TTN: variants seen among roughly 807,000 people sequenced by gnomAD.
The protein encoded by TTN is connectin.
In TTN, 1,525 loss-of-function variants were observed where a neutral mutation model predicts 3,223.0. The ratio of observed to expected loss-of-function variants is 0.47; its 90% CI spans 0.45 to 0.49. The LOEUF (loss-of-function observed/expected upper bound fraction) is 0.49, where lower values mean the gene tolerates loss of function less well. TTN is among the 20% of genes least tolerant of loss of function. The pLI, the probability that TTN is intolerant of heterozygous loss-of-function variation, is 0.00. For synonymous variants in TTN, 14,094 were observed against 15,161.0 expected, an observed-to-expected ratio of 0.93 and a Z score of 5.17; for missense variants, 40,786 against 43,424.0, an observed-to-expected ratio of 0.94 and a Z score of 5.40.
In TTN at chr2:178,585,288, T is replaced by A. The variant is rs779988742; in HGVS notation, c.64456A>T (p.Ile21486Phe). ...GGCTTTCCATACACATGGGCTTCAATTCGGAGTTTTTTCCCAGCTTTGATA... is the reference window on the plus strand; with the variant it reads ...GGCTTTCCATACACATGGGCTTCAAATCGGAGTTTTTTCCCAGCTTTGATA... ...ITIKAGKKLRIEAHVYGKPHP... is the reference protein window; with the variant it reads ...ITIKAGKKLRFEAHVYGKPHP... The change falls in exon 309 of 363, where the codon ATT (isoleucine) becomes TTT (phenylalanine). Residue 21486 changes from isoleucine to phenylalanine, a missense_variant. By Grantham distance (21) the Ile-to-Phe change is conservative. Transcript: ENST00000589042. 5.0e-6 allele frequency: 8 copies of A among 1,611,758 alleles called. No individual in the cohort carries two copies. Among genetic ancestry groups the A allele is most frequent in the Non-Finnish European group, 5.9e-6 (7 of 1,178,928 alleles).
In TTN at chr2:178,802,156, C is replaced by T. The variant is rs1575009860; in HGVS notation, c.277G>A (p.Ala93Thr). The T allele has an allele frequency of 1.9e-6, 3 of 1,614,092 alleles. No individual in the cohort carries two copies. The highest frequency in any genetic ancestry group is 2.5e-6 in the Non-Finnish European group (3 of 1,179,980). The change falls in exon 3 of 363, where the codon GCT (alanine) becomes ACT (threonine). Residue 93 changes from alanine to threonine, a missense_variant. Physicochemically the swap from Ala to Thr is moderately conservative, Grantham distance 58 (BLOSUM62 0). Coordinates refer to ENST00000589042, the MANE Select transcript of TTN (RefSeq NM_001267550.2). ...TNGSGQATST[A>T]ELLVKAETAP... is the part of the protein sequence containing the mutation. ...AGCCTACCTTTCACGAGAAGCTCAG[C>T]AGTACTAGTCGCTTGTCCAGATCCA...
At position 178,572,959 on chromosome 2, in the gene TTN, C is replaced by G; in HGVS notation, c.73173G>C (p.Glu24391Asp). Reference sequence around the variant, plus strand: ...AGATGCGGATCTTATATTCCTGATTCTCTGTGAGGCCAGTGATAGTATACG... The same window carrying G: ...AGATGCGGATCTTATATTCCTGATTGTCTGTGAGGCCAGTGATAGTATACG... ...ATSYTITGLT[E>D]NQEYKIRIYA... The change falls in exon 326 of 363, where the codon GAG (glutamate) becomes GAC (aspartate). Residue 24391 changes from glutamate (E) to aspartate (D), a missense_variant. Physicochemically the swap from Glu to Asp is conservative, Grantham distance 45. Coordinates refer to ENST00000589042, the MANE Select transcript of TTN (RefSeq NM_001267550.2). 6.2e-7 allele frequency: 1 copy of G among 1,613,234 alleles called. No homozygotes were observed. Among genetic ancestry groups the G allele is most frequent in the Non-Finnish European group, 8.5e-7 (1 of 1,179,536 alleles).
Position 178,574,081 on chromosome 2 carries a change from A to T in TTN, c.72051T>A (p.Ala24017=). 2 of 1,613,424 alleles carry T rather than the reference A, an allele frequency of 1.2e-6. No individual in the cohort carries two copies. Among genetic ancestry groups the T allele is most frequent in the East Asian group, 4.5e-5 (2 of 44,784 alleles). The part of the protein sequence containing the change: ...AISPPSEPSD[A]ITCRDDVEAP... The stretch of plus-strand genomic sequence containing the variant: ...CCTCAACATCATCCCTGCAAGTGAT[A>T]GCATCAGATGGCTCAGATGGTGGAC... The change falls in exon 326 of 363, where the codon GCT becomes GCA. Residue 24017 remains alanine, a synonymous_variant. Transcript: ENST00000589042.
In TTN at chr2:178,579,280, A is replaced by C. The variant is rs762387858; in HGVS notation, c.67750T>G (p.Trp22584Gly). The C allele has an allele frequency of 5.6e-6, 9 of 1,613,152 alleles. No individual in the cohort carries two copies. Among genetic ancestry groups the C allele is most frequent in the Non-Finnish European group, 7.6e-6 (9 of 1,179,528 alleles). The change falls in exon 320 of 363, where the codon TGG becomes GGG. Residue 22584 changes from tryptophan to glycine, a missense_variant. Transcript: ENST00000589042. ...IKGKPAPSVSWKKGEDPLATD... is the reference protein window; with the variant it reads ...IKGKPAPSVSGKKGEDPLATD... ...GCTAGAGGATCTTCCCCTTTCTTCCAGGAGACTGATGGAGCTGGCTTGCCT... is the reference window on the plus strand; with the variant it reads ...GCTAGAGGATCTTCCCCTTTCTTCCCGGAGACTGATGGAGCTGGCTTGCCT...
chr2:178,784,309 A>C lies in TTN; in HGVS notation c.2536T>G (p.Leu846Val). The C allele has an allele frequency of 4.3e-6, 7 of 1,613,820 alleles. No individual in the cohort carries two copies. The highest frequency in any genetic ancestry group is 5.9e-6 in the Non-Finnish European group (7 of 1,179,944). ...GSAIATLQKE[L>V]SATSSAQKIT... ...TTCTGAGCAGAAGATGTGGCTGACAACTCTTTTTGTAATGTGGCAATAGCA... is the reference window on the plus strand; with the variant it reads ...TTCTGAGCAGAAGATGTGGCTGACACCTCTTTTTGTAATGTGGCAATAGCA... The change falls in exon 16 of 363, where the codon TTG becomes GTG. Residue 846 changes from leucine to valine, a missense_variant. Transcript: ENST00000589042.
At position 178,606,957 on chromosome 2, in the gene TTN, C is replaced by G. The variant is rs2055039491; in HGVS notation, c.53581+64G>C. 4 of 1,545,978 alleles carry G rather than the reference C, an allele frequency of 2.6e-6. No individual in the cohort carries two copies. The East Asian group carries it at 6.9e-5, about 27-fold the overall frequency. On this transcript the variant is annotated intron_variant, in intron 278 of 362. Coordinates refer to ENST00000589042, the MANE Select transcript of TTN (RefSeq NM_001267550.2). ...GTTGGGAGTTTGAAGCCATAAAGCTCAGTAAATAATATAACTAGAAGCAAA... is the reference window on the plus strand; with the variant it reads ...GTTGGGAGTTTGAAGCCATAAAGCTGAGTAAATAATATAACTAGAAGCAAA...
chr2:178,600,410 CATATATATATATATATATATAT>C (rs10684593), intron 288 of TTN: 44,539 of 142,262 alleles, frequency 0.31, 8,108 homozygotes, highest in East Asian at 0.55. Context: ...GAATTATTAC[CATATATATATATATATATATAT>C]ATATATATAC....
Position 178,532,322 on chromosome 2 carries a change from T to C in TTN, c.104293A>G (p.Met34765Val). Residue 34765 changes from methionine to valine, a missense_variant, in exon 358 of 363, where the codon ATG becomes GTG. Coordinates refer to ENST00000589042, the MANE Select transcript of TTN (RefSeq NM_001267550.2). ...AACTCTTCATCCTCCCTCTCAGCCATGATTCTTTGCCGTTGCTTTGGCTGT... is the reference window on the plus strand; with the variant it reads ...AACTCTTCATCCTCCCTCTCAGCCACGATTCTTTGCCGTTGCTTTGGCTGT... Reference protein sequence around the residue: ...YRQPKQRQRIMAEREDEELLR... With the variant: ...YRQPKQRQRIVAEREDEELLR... 6.2e-7 allele frequency: 1 copy of C among 1,614,022 alleles called. No homozygotes were observed. Among genetic ancestry groups the C allele is most frequent in the South Asian group, 1.1e-5 (1 of 91,090 alleles).
chr2:178,749,868 G>C, intron 47 of TTN: 4 of 1,613,054 alleles, frequency 2.5e-6, no homozygotes, highest in Non-Finnish European at 3.4e-6. Flanking sequence ...AAACATTCAA[G>C]AATGATGGAA....
rs1698437169 is a variant in TTN, at chr2:178,549,402, T to A, written c.92224A>T (p.Arg30742Trp). ...TGNSITLTWA[R>W]PESDGGSEIQ... ...TCACTGCCACCATCTGATTCTGGCC[T>A]TGCCCATGTCAGGGTAATGCTGTTG... The change falls in exon 339 of 363, where the codon AGG (arginine) becomes TGG (tryptophan). Residue 30742 changes from arginine to tryptophan, a missense_variant. Coordinates refer to ENST00000589042, the MANE Select transcript of TTN (RefSeq NM_001267550.2). 2 of 1,613,764 alleles carry A rather than the reference T, an allele frequency of 1.2e-6. No homozygotes were observed. The highest frequency in any genetic ancestry group is 1.7e-6 in the Non-Finnish European group (2 of 1,179,748).
intron 45 of TTN, 45 bp from the exon 46 acceptor site, chr2:178,756,842 A>C: frequency 6.4e-7 from 1 of 1,556,054 alleles, no homozygotes; most frequent in African/African-American, 1.4e-5. Flanking sequence ...ATTAAGATCT[A>C]AGCTTTGTCA....
intron 44 of TTN, 99 bp from the exon 45 acceptor site, chr2:178,758,015 C>A: frequency 7.5e-7 from 1 of 1,341,454 alleles, no homozygotes; most frequent in South Asian, 1.6e-5. Context: ...CAATAATGGA[C>A]TAGAATTCAG....
rs766745730 is a variant in TTN at position 178,727,084 on chromosome 2, G to C, written c.20275+6C>G. 2 of 1,496,648 alleles carry C rather than the reference G, an allele frequency of 1.3e-6. No homozygotes were observed. The highest frequency in any genetic ancestry group is 4.7e-5 in the East Asian group (2 of 42,302). 92.7% of individuals were successfully genotyped at this position (1,496,648 alleles called of 1,614,324 possible). ...TTAATGAGAAACACAAGAACAAGAT[G>C]TCTACCTTTTACTATAACCTTGGTA... is the stretch of plus-strand genomic sequence containing the variant. On this transcript the variant is annotated splice_donor_region_variant and intron_variant, in intron 69 of 362. Transcript: ENST00000589042.
chr2:178,757,674 C>T lies in TTN; in HGVS notation c.10546G>A (p.Glu3516Lys). The change falls in exon 45 of 363, where the codon GAG becomes AAG. Residue 3516 changes from glutamate (E) to lysine (K), a missense_variant. Coordinates refer to ENST00000589042, the MANE Select transcript of TTN (RefSeq NM_001267550.2). ...ATTAAAGCCATGCCTGTGGACTCCT[C>T]AAAATGGAAAACTACATCTTTTGTT... ...LPTKDVVFHF[E>K]ESTGMALMLI... is the part of the protein sequence containing the mutation. 3 of 1,613,818 alleles carry T rather than the reference C, an allele frequency of 1.9e-6. No individual in the cohort carries two copies. The highest frequency in any genetic ancestry group is 2.5e-6 in the Non-Finnish European group (3 of 1,179,808).
chr2:178,576,188 C>T lies in TTN; in HGVS notation c.69944G>A (p.Arg23315Lys), dbSNP rs756974395. Residue 23315 changes from arginine to lysine, a missense_variant, in exon 326 of 363, where the codon AGA (arginine) becomes AAA (lysine). Arg to Lys is a conservative substitution (Grantham distance 26, BLOSUM62 2). Transcript: ENST00000589042. The surrounding 1 kb of genome is among the most constrained non-coding windows in gnomAD (Gnocchi z 4.3). ...DLQTKEKYNFRISAINDAGVG... is the reference protein window; with the variant it reads ...DLQTKEKYNFKISAINDAGVG... The stretch of plus-strand genomic sequence containing the variant: ...ACCTGCATCGTTGATGGCACTGATT[C>T]TGAAGTTGTATTTTTCTTTAGTCTG... The T allele has an allele frequency of 1.9e-6, 3 of 1,612,802 alleles. No homozygotes were observed. The highest frequency in any genetic ancestry group is 2.7e-5 in the African/African-American group (2 of 74,866).
In TTN at chr2:178,527,563, T is replaced by G. The variant is rs879193660; in HGVS notation, c.107563A>C (p.Ser35855Arg). ...EMKFASMSAQSMSSMQESFVE... is the reference protein window; with the variant it reads ...EMKFASMSAQRMSSMQESFVE... ...AAGGACTCTTGCATGGAGGACATGCTTTGGGCAGACATGCTTGCAAATTTC... is the reference window on the plus strand; with the variant it reads ...AAGGACTCTTGCATGGAGGACATGCGTTGGGCAGACATGCTTGCAAATTTC... The change falls in exon 362 of 363, where the codon AGC (serine) becomes CGC (arginine). Residue 35855 changes from serine to arginine, a missense_variant. Physicochemically the swap from Ser to Arg is moderately radical, Grantham distance 110. Coordinates refer to ENST00000589042, the MANE Select transcript of TTN (RefSeq NM_001267550.2). 1.2e-6 allele frequency: 2 copies of G among 1,614,038 alleles called. No individual in the cohort carries two copies. Among genetic ancestry groups the G allele is most frequent in the Middle Eastern group, 1.6e-4 (1 of 6,062 alleles).
rs1348139013 is a variant in TTN, at chr2:178,734,435, A to C, written c.15389T>G (p.Val5130Gly). The C allele has an allele frequency of 3.7e-6, 6 of 1,613,698 alleles. No individual in the cohort carries two copies. The highest frequency in any genetic ancestry group is 5.1e-6 in the Non-Finnish European group (6 of 1,179,778). Reference sequence around the variant, plus strand: ...ATTAAACGAAAAGATCTCCAGACACACAAGAGACTTCTGAGAAAACAATCT... The same window carrying C: ...ATTAAACGAAAAGATCTCCAGACACCCAAGAGACTTCTGAGAAAACAATCT... The part of the protein sequence containing the change: ...KYRLFSQKSL[V>G]CLEIFSFNSA... Residue 5130 changes from valine (V) to glycine (G), a missense_variant, in exon 52 of 363, where the codon GTG (valine) becomes GGG (glycine). Physicochemically the swap from Val to Gly is moderately radical, Grantham distance 109. Coordinates refer to ENST00000589042, the MANE Select transcript of TTN (RefSeq NM_001267550.2).
Position 178,607,467 on chromosome 2 carries a change from T to G in TTN, c.53221A>C (p.Arg17741=). The change falls in exon 277 of 363, where the codon AGA becomes CGA. Residue 17741 remains arginine, a synonymous_variant. Transcript: ENST00000589042. The stretch of plus-strand genomic sequence containing the variant: ...CTATTTGTAGCTGTAATCACATATC[T>G]GCCATGGTCTTTTCGCAGTGCATCC... ...IKDALRKDHG[R]YVITATNSCG... 6.2e-7 allele frequency: 1 copy of G among 1,613,240 alleles called. No individual in the cohort carries two copies.
At position 178,776,805 on chromosome 2, in the gene TTN, C is replaced by T; in HGVS notation, c.5059G>A (p.Glu1687Lys). ...TAGAGATCACCTTCTTCCCATTGCT[C>T]TTGGCCATATCGCAAATGGAGGGGC... ...LEPLHLRYGQ[E>K]QWEEGDLYDK... is the part of the protein sequence containing the mutation. The change falls in exon 28 of 363, where the codon GAG becomes AAG. Residue 1687 changes from glutamate to lysine, a missense_variant. Coordinates refer to ENST00000589042, the MANE Select transcript of TTN (RefSeq NM_001267550.2). 1 of 1,614,152 alleles carries T rather than the reference C, an allele frequency of 6.2e-7. No homozygotes were observed. The highest frequency in any genetic ancestry group is 8.5e-7 in the Non-Finnish European group (1 of 1,180,014).
Sources: gnomAD v4.1 joint callset for allele counts on GRCh38, gnomAD v4.1.1 for gene constraint, Gnocchi (gnomAD v3.1) non-coding constraint, MANE v1.5 for transcripts, NCBI Gene and HGNC (gene_info 2026-07-23, HGNC 2026-07-21) for gene names.